PTPRD: variants seen among roughly 807,000 people sequenced by gnomAD.
PTPRD encodes receptor-type tyrosine-protein phosphatase delta.
PTPRD carries 34 observed loss-of-function variants against 214.5 expected under a neutral mutation model. The observed-to-expected ratio is 0.16, with a 90% confidence interval of 0.12 to 0.21. The LOEUF (loss-of-function observed/expected upper bound fraction) is 0.21, where lower values mean the gene tolerates loss of function less well. Among genes scored for constraint, PTPRD ranks in the 10% least tolerant of loss-of-function variants. The pLI is 1.00. For synonymous variants in PTPRD, 1,128 were observed against 845.7 expected, an observed-to-expected ratio of 1.33 and a Z score of -5.79; for missense variants, 2,545 against 2,398.7, an observed-to-expected ratio of 1.06 and a Z score of -1.27.
chr9:10,422,860 G>A (rs572328519), intron 2 of PTPRD, among the ~76,000 whole-genome samples: 3 of 152,110 alleles, frequency 2.0e-5, no homozygotes, highest in African/African-American at 4.8e-5. Flanking sequence ...GTTGGTGGGA[G>A]TGTAAACAAG....
At chr9:9,833,400 C>G (rs930159692) in intron 5 of PTPRD, among the ~76,000 whole-genome samples, 2 of 151,864 alleles carry the variant, frequency 1.3e-5, no homozygotes, top group African/African-American at 4.8e-5. Context: ...GGGTGACAGA[C>G]ATCAAGTACT....
chr9:10,088,634 G>A (rs555310358), intron 3 of PTPRD, among the ~76,000 whole-genome samples: 52 of 151,820 alleles, frequency 3.4e-4, no homozygotes, highest in Admixed American at 9.2e-4. Flanking sequence ...GCAATGTGGG[G>A]GCAGTAGTCA....
intron 7 of PTPRD, among the ~76,000 whole-genome samples, chr9:9,686,649 T>C (rs1055429701): frequency 2.0e-5 from 3 of 151,710 alleles, no homozygotes; most frequent in African/African-American, 7.2e-5. Context: ...TTGGTAACAA[T>C]TTATCAAATT....
chr9:9,414,379 C>T (rs758747595), intron 8 of PTPRD, among the ~76,000 whole-genome samples: 1 of 152,164 alleles, frequency 6.6e-6, no homozygotes, highest in Non-Finnish European at 1.5e-5. Flanking sequence ...GAATTAAGGT[C>T]TTTGCATCAA....
At chr9:9,648,241 G>T (rs900092516) in intron 7 of PTPRD, among the ~76,000 whole-genome samples, 1 of 151,800 alleles carries the variant, frequency 6.6e-6, no homozygotes, top group African/African-American at 2.4e-5. Context: ...ACACTAAAGT[G>T]TATATTTAGA....
intron 8 of PTPRD, among the ~76,000 whole-genome samples, chr9:9,415,964 A>G (rs1396307943): frequency 1.3e-5 from 2 of 152,202 alleles, no homozygotes; most frequent in African/African-American, 2.4e-5. Context: ...AACAGTGAGT[A>G]ATGTCTAAGT....
chr9:9,496,667 A>G (rs1286433195), intron 8 of PTPRD, among the ~76,000 whole-genome samples: 2 of 152,220 alleles, frequency 1.3e-5, no homozygotes, highest in Non-Finnish European at 2.9e-5. Flanking sequence ...GTAAAATGAT[A>G]TAGCTGCTGT....
chr9:9,355,984 C>G lies in PTPRD; in HGVS notation c.-203+41465G>C, dbSNP rs75218588. Among the ~76,000 whole-genome samples, 1,373 of 151,216 alleles carry G rather than the reference C, an allele frequency of 9.1e-3. 16 individuals carry two copies. The highest frequency in any genetic ancestry group is 0.031 in the African/African-American group (1,300 of 41,312). On this transcript the variant is annotated intron_variant, in intron 9 of 45. Transcript: ENST00000381196. ...ACCAGTAAGATTAAACAAAATGGGT[C>G]CAGAGACTAGAGCATTGGATTTAGC...
intron 5 of PTPRD, among the ~76,000 whole-genome samples, chr9:9,769,143 G>C (rs1468904123): frequency 1.3e-5 from 2 of 150,396 alleles, no homozygotes; most frequent in Non-Finnish European, 3.0e-5. Flanking sequence ...AACAAGGAAA[G>C]AAGAAAAATA....
intron 33 of PTPRD, 31 bp downstream of exon 33, chr9:8,460,380 A>G (rs1468036913): frequency 6.2e-7 from 1 of 1,608,374 alleles, no homozygotes. Context: ...GCAGCCTCCA[A>G]AATTACAACA....
chr9:9,668,159 A>T (rs2154384574), intron 7 of PTPRD, among the ~76,000 whole-genome samples: 1 of 152,276 alleles, frequency 6.6e-6, no homozygotes, highest in Non-Finnish European at 1.5e-5. Context: ...CTCACTCATG[A>T]AAAGTGGAAG....
Position 9,679,459 on chromosome 9 carries a change from G to A in PTPRD, c.-287+55074C>T, listed in dbSNP as rs113742940. Among the ~76,000 whole-genome samples the A allele has an allele frequency of 5.3e-3, 810 of 151,958 alleles. 4 individuals are homozygous for A. The highest frequency in any genetic ancestry group is 8.2e-3 in the Non-Finnish European group (559 of 67,856). ...ACTTTAAAAATAAATTAGAGACCATGTGGCACCTGATAGAATGACGGATCC... is the reference window on the plus strand; with the variant it reads ...ACTTTAAAAATAAATTAGAGACCATATGGCACCTGATAGAATGACGGATCC... On this transcript the variant is annotated intron_variant, in intron 7 of 45. Transcript: ENST00000381196.
rs574222568 is a variant in PTPRD, at chr9:9,304,236, T to C, written c.-203+93213A>G. Among the ~76,000 whole-genome samples the C allele has an allele frequency of 2.1e-3, 326 of 152,156 alleles. 2 individuals carry two copies. Among genetic ancestry groups the C allele is most frequent in the African/African-American group, 7.6e-3 (316 of 41,528 alleles). On this transcript the variant is annotated intron_variant, in intron 9 of 45. Coordinates refer to ENST00000381196, the MANE Select transcript of PTPRD (RefSeq NM_002839.4). The stretch of plus-strand genomic sequence containing the variant: ...CATATAGTATAATAGAGGATGATTG[T>C]TATGGGAAAAAGAAAAGAAGACTAG...
intron 12 of PTPRD, 122 bp from the exon 13 acceptor site, chr9:8,636,966 G>T: frequency 2.2e-6 from 2 of 923,320 alleles, no homozygotes; most frequent in Non-Finnish European, 1.6e-6. Flanking sequence ...TTTTTACAAT[G>T]CACTATGGGA....
At chr9:8,654,469 A>G (rs1051302204) in intron 12 of PTPRD, among the ~76,000 whole-genome samples, 1 of 152,176 alleles carries the variant, frequency 6.6e-6, no homozygotes, top group Non-Finnish European at 1.5e-5. Context: ...TTAAGCATAT[A>G]CCCTGTACAT....
At chr9:9,141,867 G>A in intron 10 of PTPRD, among the ~76,000 whole-genome samples, 1 of 152,006 alleles carries the variant, frequency 6.6e-6, no homozygotes, top group East Asian at 1.9e-4. Flanking sequence ...GGGGCATGAA[G>A]GTGGGCCATG....
At position 9,655,060 on chromosome 9, in the gene PTPRD, G is replaced by A. The variant is rs183150122; in HGVS notation, c.-287+79473C>T. Among the ~76,000 whole-genome samples, 398 of 151,698 alleles carry A rather than the reference G, an allele frequency of 2.6e-3. 4 individuals are homozygous for A. The highest frequency in any genetic ancestry group is 3.4e-3 in the Non-Finnish European group (229 of 67,898). ...TACCTATCTGAAATGTTTACTTTAG[G>A]CCTTGAGAAAGAGAATATATTTATT... On this transcript the variant is annotated intron_variant, in intron 7 of 45. Coordinates refer to ENST00000381196, the MANE Select transcript of PTPRD (RefSeq NM_002839.4).
intron 5 of PTPRD, among the ~76,000 whole-genome samples, chr9:9,772,271 C>A (rs2098758069): frequency 6.6e-6 from 1 of 152,026 alleles, no homozygotes; most frequent in Admixed American, 6.6e-5. Flanking sequence ...AAGAAATTAA[C>A]CTTGCTGATA....
intron 6 of PTPRD, among the ~76,000 whole-genome samples, chr9:9,763,242 A>G (rs567842388): frequency 3.3e-5 from 5 of 152,212 alleles, no homozygotes; most frequent in Non-Finnish European, 7.3e-5. Context: ...ACACATATGC[A>G]TACCCATGAC....
Sources: allele counts gnomAD v4.1 joint callset (sites outside exome capture counted in the v4.1 genomes callset), GRCh38; gene constraint gnomAD v4.1.1; transcripts MANE v1.5; gene names NCBI Gene and HGNC (gene_info 2026-07-23, HGNC 2026-07-21).